ANO7: variants seen among roughly 807,000 people sequenced by gnomAD.
ANO7 encodes the protein anoctamin-7.
Under a neutral mutation model 115.8 loss-of-function variants are expected in ANO7, and 114 were observed. That is an observed-to-expected ratio of 0.98 (90% CI 0.85 to 1.15). The LOEUF is 1.15. Among genes scored for constraint, ANO7 ranks in the 50% most tolerant of loss-of-function variants. ANO7 has a pLI of 0.00. For missense variants in ANO7, 1,302 were observed against 1,201.2 expected, an observed-to-expected ratio of 1.08 and a Z score of -1.24; for synonymous variants, 550 against 498.2, an observed-to-expected ratio of 1.10 and a Z score of -1.38.
chr2:241,220,258 C>T (rs1176643937), intron 21 of ANO7, among the ~76,000 whole-genome samples: 4 of 152,074 alleles, frequency 2.6e-5, no homozygotes, highest in Admixed American at 6.5e-5. Flanking sequence ...ATATGTATCA[C>T]GCATATGTAT....
At chr2:241,229,338 G>A (rs1197837194), downstream of ANO7, 6 of 390,372 alleles carry the variant, frequency 1.5e-5, no homozygotes, top group Non-Finnish European at 2.4e-5. Context: ...GGGTGGACCA[G>A]GAGCTGGAGT....
chr2:241,208,965 C>A (rs11674804), intron 11 of ANO7, among the ~76,000 whole-genome samples: 7 of 151,874 alleles, frequency 4.6e-5, no homozygotes, highest in Non-Finnish European at 8.8e-5. Context: ...CTGGCTAACA[C>A]GGTGAAACCT....
At chr2:241,210,207 C>T (rs1326188889) in intron 13 of ANO7, 88 bp from the exon 14 acceptor site, 1 of 1,304,532 alleles carries the variant, frequency 7.7e-7, no homozygotes, top group East Asian at 2.3e-5. Context: ...CAGCAGTGGA[C>T]TAGAAGAGCT....
Position 241,209,465 on chromosome 2 carries a change from G to A in ANO7, c.1222-33G>A, listed in dbSNP as rs200679344. The A allele has an allele frequency of 7.6e-4, 1,211 of 1,599,022 alleles. 7 individuals are homozygous for A. The African/African-American group carries it at 0.014, about 18-fold the overall frequency. On this transcript the variant is annotated intron_variant, in intron 12 of 24. Transcript: ENST00000674324. ...CCGCTGGACCACGGTCACACCCGGCGAGGGCCGCCACTGAGCACCGGCTCC... is the reference window on the plus strand; with the variant it reads ...CCGCTGGACCACGGTCACACCCGGCAAGGGCCGCCACTGAGCACCGGCTCC...
chr2:241,194,458 G>C (rs2068275689), intron 3 of ANO7, among the ~76,000 whole-genome samples: 2 of 151,916 alleles, frequency 1.3e-5, no homozygotes, highest in African/African-American at 4.8e-5. Context: ...GGGACTACAG[G>C]TGCCGGCCAC....
intron 21 of ANO7, 51 bp downstream of exon 21, chr2:241,218,432 G>A (rs1449297051): frequency 7.9e-7 from 1 of 1,261,734 alleles, no homozygotes. Flanking sequence ...GGACGAGGCG[G>A]AGCGGGGCTC....
At position 241,224,426 on chromosome 2, in the gene ANO7, G is replaced by A; in HGVS notation, c.*273G>A. The A allele has an allele frequency of 2.0e-6, 1 of 497,646 alleles. No homozygotes were observed. Among genetic ancestry groups the A allele is most frequent in the East Asian group, 3.5e-5 (1 of 28,794 alleles). The allele number at this position is 497,646 out of a possible 1,614,324, so 30.8% of individuals were successfully genotyped here. A position where few individuals can be genotyped will look rare whatever the true frequency, so the allele number is the denominator to read the frequency against. ...AGCCCAAGGGGCCCCTGCACCCAAG[G>A]GACCCTGTCCCTCGGTGGCCTCCCC... On this transcript the variant is annotated 3_prime_UTR_variant, in exon 25 of 25. Transcript: ENST00000674324.
chr2:241,222,988 C>G (rs1008005804), intron 21 of ANO7, among the ~76,000 whole-genome samples, 198 bp from the exon 22 acceptor site: 1 of 152,162 alleles, frequency 6.6e-6, no homozygotes, highest in Admixed American at 6.5e-5. Flanking sequence ...CCTTTGGAAC[C>G]CACCAGTTAA....
the ANO7 span, chr2:241,239,923 A>C: frequency 6.2e-7 from 1 of 1,614,176 alleles, no homozygotes; most frequent in Non-Finnish European, 8.5e-7. This position sits in a 1 kb window ranked among gnomAD's most constrained non-coding sequence, Gnocchi z 4.6. Flanking sequence ...CAAGGCCTCC[A>C]GCTCCTTCTG....
chr2:241,219,258 T>G (rs1335413006), intron 21 of ANO7, among the ~76,000 whole-genome samples: 1 of 152,240 alleles, frequency 6.6e-6, no homozygotes, highest in African/African-American at 2.4e-5. Flanking sequence ...GGAGCAAATC[T>G]CAGCAGTAAA....
downstream of ANO7, chr2:241,230,912 T>C (rs2069664763): frequency 2.5e-6 from 4 of 1,614,130 alleles, no homozygotes; most frequent in Non-Finnish European, 3.4e-6. This position sits in a 1 kb window ranked among gnomAD's most constrained non-coding sequence, Gnocchi z 5.0. Flanking sequence ...CTGTGTTCTT[T>C]TCGTACCCTG....
intron 10 of ANO7, among the ~76,000 whole-genome samples, chr2:241,205,286 G>A (rs2068564519): frequency 6.6e-6 from 1 of 150,832 alleles, no homozygotes; most frequent in African/African-American, 2.4e-5. Context: ...AGGCTGACAG[G>A]TAGTCAGGAG....
intron 4 of ANO7, chr2:241,196,290 G>T: frequency 1.8e-6 from 1 of 548,102 alleles, no homozygotes. Flanking sequence ...CAGGTCCGGG[G>T]AGCGTGAGAA....
intron 21 of ANO7, among the ~76,000 whole-genome samples, chr2:241,220,717 G>A (rs1016004070): frequency 5.9e-5 from 9 of 152,210 alleles, no homozygotes; most frequent in Non-Finnish European, 5.9e-5. Flanking sequence ...GGAGAATGGC[G>A]TGAATCCAGG....
In ANO7 at chr2:241,223,607, T is replaced by G. The variant is rs1302509246; in HGVS notation, c.2413-55T>G. The G allele has an allele frequency of 3.8e-6, 6 of 1,593,344 alleles. No homozygotes were observed. In the East Asian group the frequency reaches 1.4e-4, roughly 37 times the overall value. ...GCCGGAGCCCCGGCCTGCCTGGCCC[T>G]GTGAAGGCCACTCTGGGCGTTTGGG... On this transcript the variant is annotated intron_variant, in intron 22 of 24. Transcript: ENST00000674324.
In ANO7 at chr2:241,216,221, A is replaced by G; in HGVS notation, c.1955A>G (p.Asp652Gly). 1 of 1,605,244 alleles carries G rather than the reference A, an allele frequency of 6.2e-7. No individual in the cohort carries two copies. Among genetic ancestry groups the G allele is most frequent in the Non-Finnish European group, 8.5e-7 (1 of 1,177,094 alleles). The change falls in exon 19 of 25, where the codon GAC becomes GGC. Residue 652 changes from aspartate (D) to glycine (G), a missense_variant. Physicochemically the swap from Asp to Gly is moderately conservative, Grantham distance 94. Transcript: ENST00000674324. The part of the protein sequence containing the change: ...YELVPCEGLF[D>G]EYLEMVLQFG... The stretch of plus-strand genomic sequence containing the variant: ...CTTGTGCCCTGTGAGGGTCTGTTTG[A>G]CGAGTACCTGGAAATGGGTAGGAGC...
At position 241,190,140 on chromosome 2, in the gene ANO7, G is replaced by A. The variant is rs1237621765; in HGVS notation, c.77G>A (p.Gly26Asp). 6.4e-7 allele frequency: 1 copy of A among 1,573,748 alleles called. No homozygotes were observed. The highest frequency in any genetic ancestry group is 1.9e-5 in the Admixed American group (1 of 53,876). The change falls in exon 2 of 25, where the codon GGC becomes GAC. Residue 26 changes from glycine to aspartate, a missense_variant. By Grantham distance (94) the Gly-to-Asp change is moderately conservative. Transcript: ENST00000674324. ...DVSPPEAEKR[G>D]SYGSTAHASE... ...AGCCCCCCTGAGGCAGAGAAGAGGG[G>A]CTCTTACGGGAGCACAGCCCACGCC...
At chr2:241,209,757 TCCCC>T in intron 13 of ANO7, 122 bp downstream of exon 13, 1 of 1,354,860 alleles carries the variant, frequency 7.4e-7, no homozygotes, top group Non-Finnish European at 9.7e-7. Context: ...GAACCCTCAC[TCCCC>T]GCAGAGAGGC....
Position 241,203,273 on chromosome 2 carries a change from C to T in ANO7, c.724-60C>T. 3 of 1,387,752 alleles carry T rather than the reference C, an allele frequency of 2.2e-6. No individual in the cohort carries two copies. Among genetic ancestry groups the T allele is most frequent in the Non-Finnish European group, 2.9e-6 (3 of 1,046,930 alleles). The allele number at this position is 1,387,752 out of a possible 1,614,324, so 86.0% of individuals were successfully genotyped here. On this transcript the variant is annotated intron_variant, in intron 8 of 24. Coordinates refer to ENST00000674324, the MANE Select transcript of ANO7 (RefSeq NM_001370694.2). The surrounding 1 kb of genome is among the most constrained non-coding windows in gnomAD (Gnocchi z 4.8). ...TCCCACACTGAAGCCCCTGCACCTA[C>T]AACAGTGCCCAGTGGGGTCAGCTGG...
Sources: allele counts gnomAD v4.1 joint callset (sites outside exome capture counted in the v4.1 genomes callset), GRCh38; gene constraint gnomAD v4.1.1; non-coding constraint Gnocchi (gnomAD v3.1); transcripts MANE v1.5; gene names NCBI Gene and HGNC (gene_info 2026-07-23, HGNC 2026-07-21).